The following TAF2 variants were observed in gnomAD, a reference collection of about 807,000 sequenced individuals.
The protein encoded by TAF2 is transcription initiation factor TFIID subunit 2.
Under a neutral mutation model 138.5 loss-of-function variants are expected in TAF2, and 61 were observed. That is an observed-to-expected ratio of 0.44 (90% CI 0.36 to 0.54). The LOEUF (loss-of-function observed/expected upper bound fraction) is 0.54, where lower values mean the gene tolerates loss of function less well. Among genes scored for constraint, TAF2 ranks in the 20% least tolerant of loss-of-function variants. The probability of loss-of-function intolerance (pLI) is 0.00; values close to 1 mark genes in which losing one functional copy is unlikely to be tolerated. For synonymous variants in TAF2, 475 were observed against 469.9 expected (o/e 1.01, Z -0.14); for missense variants, 1,090 against 1,427.9 (o/e 0.76, Z 3.81).
At chr8:119,736,743 T>C (rs892316311) in intron 25 of TAF2, among the ~76,000 whole-genome samples, 2 of 152,166 alleles carry the variant, frequency 1.3e-5, no homozygotes, top group African/African-American at 2.4e-5. Flanking sequence ...TGAACATCTA[T>C]AGTGGTTAAC....
chr8:119,749,646 C>T (rs1304213701), intron 22 of TAF2, among the ~76,000 whole-genome samples: 1 of 152,166 alleles, frequency 6.6e-6, no homozygotes, highest in East Asian at 1.9e-4. Flanking sequence ...CTGAGATGAT[C>T]AGAGTAGTTC....
chr8:119,770,110 A>C (rs1302879329), intron 18 of TAF2, among the ~76,000 whole-genome samples: 1 of 151,768 alleles, frequency 6.6e-6, no homozygotes, highest in African/African-American at 2.4e-5. Context: ...TGGAATACAT[A>C]AAGTGACCAA....
chr8:119,780,645 A>T (rs761581874), intron 17 of TAF2, among the ~76,000 whole-genome samples: 1 of 152,146 alleles, frequency 6.6e-6, no homozygotes, highest in Non-Finnish European at 1.5e-5. Flanking sequence ...GTTTAAAAGT[A>T]AAAAAAGAGG....
At chr8:119,803,635 T>C (rs1264156068) in intron 5 of TAF2, among the ~76,000 whole-genome samples, 1 of 149,438 alleles carries the variant, frequency 6.7e-6, no homozygotes, top group Non-Finnish European at 1.5e-5. Flanking sequence ...CAGGTTGCAG[T>C]GAGCAGAGAT....
intron 16 of TAF2, 37 bp downstream of exon 16, chr8:119,783,344 A>G (rs1822803030): frequency 1.2e-6 from 2 of 1,605,416 alleles, no homozygotes; most frequent in Non-Finnish European, 1.7e-6. Context: ...AAAAATATAT[A>G]CAATAGTCAT....
intron 14 of TAF2, 149 bp downstream of exon 14, chr8:119,788,189 T>C (rs1404101648): frequency 1.0e-5 from 7 of 670,810 alleles, no homozygotes; most frequent in Non-Finnish European, 1.6e-5. Flanking sequence ...TACACCTATG[T>C]AACAAACCTG....
chr8:119,824,792 TGA>T (rs1825998958), intron 2 of TAF2, among the ~76,000 whole-genome samples: 2 of 152,236 alleles, frequency 1.3e-5, no homozygotes, highest in Non-Finnish European at 2.9e-5. Context: ...GTGGTGAGCC[TGA>T]GAGTGCAGAG....
chr8:119,814,779 C>T (rs1390440627), intron 3 of TAF2, among the ~76,000 whole-genome samples: 3 of 146,826 alleles, frequency 2.0e-5, no homozygotes, highest in East Asian at 2.0e-4. Flanking sequence ...TGTGGTGGTG[C>T]GTGCCTGTAG....
chr8:119,805,027 AC>A (rs1824522596), intron 4 of TAF2, among the ~76,000 whole-genome samples: 1 of 151,972 alleles, frequency 6.6e-6, no homozygotes, highest in Admixed American at 6.6e-5. Flanking sequence ...TCCTCCACAA[AC>A]CCTACCCCGT....
intron 25 of TAF2, among the ~76,000 whole-genome samples, chr8:119,736,747 G>A (rs1819248172): frequency 6.6e-6 from 1 of 152,088 alleles, no homozygotes; most frequent in Non-Finnish European, 1.5e-5. Context: ...CATCTATAGT[G>A]GTTAACCTCA....
At chr8:119,733,412 C>T (rs186345559) in intron 25 of TAF2, among the ~76,000 whole-genome samples, 1 of 152,224 alleles carries the variant, frequency 6.6e-6, no homozygotes, top group African/African-American at 2.4e-5. Context: ...AATTAGAAGG[C>T]CCATACTCTA....
At chr8:119,751,317 C>A (rs1251386145) in intron 22 of TAF2, among the ~76,000 whole-genome samples, 1 of 152,166 alleles carries the variant, frequency 6.6e-6, no homozygotes, top group East Asian at 1.9e-4. Flanking sequence ...TTGCCCAGAG[C>A]ATAAAATCTA....
At position 119,832,685 on chromosome 8, in the gene TAF2, G is replaced by C. The variant is rs1826543625; in HGVS notation, c.-121C>G. ...CCCAAGTCACGTCTCGCAGCTGGCC[G>C]GTGCCCAGGTGAGCGACCTGACGGG... is the stretch of plus-strand genomic sequence containing the variant. On this transcript the variant is annotated 5_prime_UTR_variant, in exon 1 of 26. Coordinates refer to ENST00000378164, the MANE Select transcript of TAF2 (RefSeq NM_003184.4). 1 of 900,288 alleles carries C rather than the reference G, an allele frequency of 1.1e-6. No individual in the cohort carries two copies. The highest frequency in any genetic ancestry group is 1.6e-6 in the Non-Finnish European group (1 of 611,808). 55.8% of individuals were successfully genotyped at this position (900,288 alleles called of 1,614,324 possible).
intron 1 of TAF2, 118 bp from the exon 2 acceptor site, chr8:119,831,849 T>G (rs1219377110): frequency 7.4e-6 from 5 of 680,240 alleles, no homozygotes; most frequent in Non-Finnish European, 6.7e-6. Context: ...AAATTACATG[T>G]CAATATTTCA....
Position 119,788,327 on chromosome 8 carries a change from G to T in TAF2, c.1793+11C>A. 6.3e-7 allele frequency: 1 copy of T among 1,599,258 alleles called. No individual in the cohort carries two copies. The highest frequency in any genetic ancestry group is 8.6e-7 in the Non-Finnish European group (1 of 1,166,782). On this transcript the variant is annotated intron_variant, in intron 14 of 25. Coordinates refer to ENST00000378164, the MANE Select transcript of TAF2 (RefSeq NM_003184.4). ...TTAACTTTCAATTTATAGTTATTAT[G>T]TAATGCCTACCTTCTACTTTTGGAA...
At chr8:119,760,104 C>T (rs769797344) in intron 20 of TAF2, among the ~76,000 whole-genome samples, 18 of 152,000 alleles carry the variant, frequency 1.2e-4, no homozygotes, top group African/African-American at 3.9e-4. Context: ...GACTTTTTAA[C>T]ATTTCCATCT....
At chr8:119,802,600 T>G (rs567151088) in intron 5 of TAF2, among the ~76,000 whole-genome samples, 1 of 152,210 alleles carries the variant, frequency 6.6e-6, no homozygotes, top group South Asian at 2.1e-4. Context: ...TATCCCTGGT[T>G]TAGAGAAGTT....
rs1821128072 is a variant in TAF2 at position 119,762,427 on chromosome 8, G to A, written c.2546C>T (p.Thr849Ile). ...MEKLLPSYRH[T>I]ITVSCLRAIR... Reference sequence around the variant, plus strand: ...AATTTAATCATACCTGACAGTGATGGTATGCCTGTAACTCGGAAGAAGTTT... The same window carrying A: ...AATTTAATCATACCTGACAGTGATGATATGCCTGTAACTCGGAAGAAGTTT... The change falls in exon 19 of 26, where the codon ACC (threonine) becomes ATC (isoleucine). Residue 849 changes from threonine (T) to isoleucine (I), a missense_variant. By Grantham distance (89) the Thr-to-Ile change is moderately conservative. This residue lies in a region of TAF2 where 580 missense variants were observed against 719.6 expected (regional missense o/e 0.81). Transcript: ENST00000378164. The A allele has an allele frequency of 6.2e-7, 1 of 1,613,434 alleles. No individual in the cohort carries two copies. Among genetic ancestry groups the A allele is most frequent in the South Asian group, 1.1e-5 (1 of 91,050 alleles).
intron 3 of TAF2, among the ~76,000 whole-genome samples, chr8:119,819,035 T>G (rs941336299): frequency 1.3e-5 from 2 of 152,138 alleles, no homozygotes; most frequent in Non-Finnish European, 2.9e-5. Flanking sequence ...AAAATTACTT[T>G]CAAAATTTAT....
Sources: gnomAD v4.1 joint callset for allele counts (sites outside exome capture counted in the v4.1 genomes callset) on GRCh38, gnomAD v4.1.1 for gene constraint, gnomAD v4.1.1 regional missense constraint, MANE v1.5 for transcripts, NCBI Gene and HGNC (gene_info 2026-07-23, HGNC 2026-07-21) for gene names.